LRP1B: variants seen among roughly 807,000 people sequenced by gnomAD.
The protein encoded by LRP1B is low-density lipoprotein receptor-related protein 1B.
LRP1B carries 217 observed loss-of-function variants against 556.6 expected under a neutral mutation model. That is an observed-to-expected ratio of 0.39 (90% CI 0.35 to 0.44). LRP1B has a LOEUF of 0.44. LRP1B is among the 20% of genes least tolerant of loss of function. The pLI, the probability that LRP1B is intolerant of heterozygous loss-of-function variation, is 1.00. For synonymous variants in LRP1B, 2,047 were observed against 1,865.8 expected (o/e 1.10, Z -2.50); for missense variants, 5,053 against 5,620.8 (o/e 0.90, Z 3.23).
chr2:140,536,096 A>C (rs994327495), intron 46 of LRP1B, among the ~76,000 whole-genome samples: 1 of 152,062 alleles, frequency 6.6e-6, no homozygotes, highest in Non-Finnish European at 1.5e-5. Context: ...CCTAAAACCT[A>C]TTGCTAAAGA....
intron 1 of LRP1B, among the ~76,000 whole-genome samples, chr2:142,130,200 A>G (rs1432549054): frequency 6.6e-6 from 1 of 152,210 alleles, no homozygotes; most frequent in East Asian, 1.9e-4. Flanking sequence ...ACGGACCTCG[A>G]ATGCAGCAGG....
intron 3 of LRP1B, among the ~76,000 whole-genome samples, chr2:141,281,526 A>C (rs1023860675): frequency 1.3e-5 from 2 of 152,076 alleles, no homozygotes; most frequent in Non-Finnish European, 2.9e-5. Flanking sequence ...TGCTTAATGA[A>C]ATATTAAAAG....
chr2:141,641,508 A>G (rs1337938768), intron 2 of LRP1B, among the ~76,000 whole-genome samples: 4 of 152,226 alleles, frequency 2.6e-5, no homozygotes, highest in Non-Finnish European at 5.9e-5. Context: ...TTTAAAACAT[A>G]TAAAGTTGAC....
At chr2:140,871,789 C>CT (rs1394370787) in intron 25 of LRP1B, among the ~76,000 whole-genome samples, 4 of 152,050 alleles carry the variant, frequency 2.6e-5, no homozygotes, top group African/African-American at 4.8e-5. Flanking sequence ...GGTCTGCCTT[C>CT]TTTTTTTTCC....
chr2:141,956,320 C>T (rs932797703), intron 1 of LRP1B, among the ~76,000 whole-genome samples: 21 of 152,002 alleles, frequency 1.4e-4, no homozygotes, highest in Non-Finnish European at 2.6e-4. Context: ...ATGGTTTTAA[C>T]TCATATTTAT....
At chr2:141,932,975 C>T (rs1700544676) in intron 1 of LRP1B, among the ~76,000 whole-genome samples, 1 of 151,744 alleles carries the variant, frequency 6.6e-6, no homozygotes, top group African/African-American at 2.4e-5. Flanking sequence ...CTTTCATTTC[C>T]TGCTTGTTTA....
intron 1 of LRP1B, among the ~76,000 whole-genome samples, chr2:141,874,813 T>G (rs1323782813): frequency 6.6e-6 from 1 of 151,972 alleles, no homozygotes; most frequent in East Asian, 1.9e-4. Flanking sequence ...AAAAGACACT[T>G]TTAAGCTAAT....
At chr2:142,108,844 T>A (rs1354920537) in intron 1 of LRP1B, among the ~76,000 whole-genome samples, 1 of 152,162 alleles carries the variant, frequency 6.6e-6, no homozygotes, top group Admixed American at 6.6e-5. Flanking sequence ...GACAAAAGAA[T>A]CCTATAGATA....
intron 87 of LRP1B, among the ~76,000 whole-genome samples, chr2:140,246,104 C>T (rs1681148451): frequency 6.6e-6 from 1 of 151,336 alleles, no homozygotes; most frequent in Admixed American, 6.6e-5. Flanking sequence ...ACAGGAATGT[C>T]AGCAGAGATG....
At chr2:141,173,528 C>G (rs998382460) in intron 7 of LRP1B, among the ~76,000 whole-genome samples, 7 of 152,056 alleles carry the variant, frequency 4.6e-5, no homozygotes, top group African/African-American at 1.7e-4. Context: ...TATCAGTGCT[C>G]TAGGGATGAC....
chr2:140,234,201 A>T (rs978481985), intron 90 of LRP1B, among the ~76,000 whole-genome samples: 7 of 151,310 alleles, frequency 4.6e-5, no homozygotes, highest in Non-Finnish European at 1.0e-4. Flanking sequence ...GGGAAAGACG[A>T]TAAGGGAGAG....
intron 1 of LRP1B, among the ~76,000 whole-genome samples, chr2:141,819,594 A>G (rs1325916189): frequency 1.3e-5 from 2 of 152,220 alleles, no homozygotes; most frequent in East Asian, 3.9e-4. Context: ...AGGGGCTGGA[A>G]AGGATAGTGG....
chr2:140,707,697 T>C (rs1686887753), intron 37 of LRP1B, among the ~76,000 whole-genome samples: 1 of 152,084 alleles, frequency 6.6e-6, no homozygotes, highest in Non-Finnish European at 1.5e-5. Context: ...ATGTAGAGCG[T>C]TCTCTTTTTC....
At chr2:140,738,118 G>A (rs1226813991) in intron 35 of LRP1B, among the ~76,000 whole-genome samples, 1 of 152,098 alleles carries the variant, frequency 6.6e-6, no homozygotes, top group Non-Finnish European at 1.5e-5. Flanking sequence ...AAGAGCCACA[G>A]CAAGATCCCT....
At chr2:141,884,344 C>T (rs1239640616) in intron 1 of LRP1B, among the ~76,000 whole-genome samples, 1 of 152,100 alleles carries the variant, frequency 6.6e-6, no homozygotes, top group Non-Finnish European at 1.5e-5. Context: ...CACTGCACTT[C>T]AGCCTGGGTG....
At chr2:140,390,768 TCACACACACACACACACACA>T (rs70985096) in intron 66 of LRP1B, among the ~76,000 whole-genome samples, 2 of 143,684 alleles carry the variant, frequency 1.4e-5, no homozygotes, top group African/African-American at 2.6e-5. Flanking sequence ...AATAGAAACT[TCACACACACACACACACACA>T]CACACACACA....
chr2:141,024,354 T>C (rs1020526285), intron 11 of LRP1B, among the ~76,000 whole-genome samples: 1 of 151,964 alleles, frequency 6.6e-6, no homozygotes, highest in African/African-American at 2.4e-5. Context: ...CAGAACAAAA[T>C]ACCTTGATGT....
Position 141,131,407 on chromosome 2 carries a change from T to TTTTATATATATATATA in LRP1B, c.1013+57013_1013+57014insTATATATATATATAAA, listed in dbSNP as rs976965390. 3.8e-3 allele frequency among the ~76,000 whole-genome samples: 416 copies of TTTTATATATATATATA among 110,688 alleles called. 6 individuals carry two copies. Among genetic ancestry groups the TTTTATATATATATATA allele is most frequent in the African/African-American group, 0.015 (392 of 25,850 alleles). 72.6% of individuals were successfully genotyped at this position (110,688 alleles called of 152,430 possible). A position where few individuals can be genotyped will look rare whatever the true frequency, so the allele number is the denominator to read the frequency against. On this transcript the variant is annotated intron_variant, in intron 7 of 90. Transcript: ENST00000389484. ...GGTTACAAAATTATAATGCATAAAG[T>TTTTATATATATATATA]TATATATATATATATATATATATTT...
At chr2:140,762,288 T>C (rs1688952992) in intron 35 of LRP1B, among the ~76,000 whole-genome samples, 1 of 152,158 alleles carries the variant, frequency 6.6e-6, no homozygotes, top group Non-Finnish European at 1.5e-5. Flanking sequence ...AGAATTTAAT[T>C]AGGGCATCTC....
Sources: gnomAD v4.1 joint callset for allele counts (sites outside exome capture counted in the v4.1 genomes callset) on GRCh38, gnomAD v4.1.1 for gene constraint, MANE v1.5 for transcripts, NCBI Gene and HGNC (gene_info 2026-07-23, HGNC 2026-07-21) for gene names.